Variants in CTNND2 observed in about 807,000 individuals in gnomAD.
The protein encoded by CTNND2 is catenin delta-2.
Under a neutral mutation model 144.4 loss-of-function variants are expected in CTNND2, and 22 were observed. The observed-to-expected ratio is 0.15, with a 90% CI of 0.11 to 0.22. The LOEUF is 0.22. Among genes scored for constraint, CTNND2 ranks in the 10% least tolerant of loss-of-function variants. CTNND2 has a pLI of 1.00. For synonymous variants in CTNND2, 751 were observed against 695.6 expected (o/e 1.08, Z -1.25); for missense variants, 1,353 against 1,618.8 (o/e 0.84, Z 2.82).
chr5:11,755,791 G>A (rs1019608457), intron 1 of CTNND2, among the ~76,000 whole-genome samples: 3 of 151,294 alleles, frequency 2.0e-5, no homozygotes. Flanking sequence ...AGGTCAGTTT[G>A]GTTCTTTCTT....
At chr5:11,149,751 A>G (rs1757574784) in intron 12 of CTNND2, among the ~76,000 whole-genome samples, 1 of 152,150 alleles carries the variant, frequency 6.6e-6, no homozygotes, top group South Asian at 2.1e-4. Flanking sequence ...CAGGGTCCTA[A>G]AAAGCCAGTG....
intron 16 of CTNND2, among the ~76,000 whole-genome samples, chr5:11,043,516 A>G (rs567495647): frequency 6.6e-6 from 1 of 152,322 alleles, no homozygotes; most frequent in Non-Finnish European, 1.5e-5. Flanking sequence ...TGAACTGTTC[A>G]CAAGTAGATA....
At chr5:11,154,307 G>A (rs549695926) in intron 12 of CTNND2, among the ~76,000 whole-genome samples, 1 of 152,306 alleles carries the variant, frequency 6.6e-6, no homozygotes, top group South Asian at 2.1e-4. Context: ...AATCAGATCC[G>A]TGTGTGGGGA....
chr5:11,255,407 G>A (rs998884177), intron 9 of CTNND2, among the ~76,000 whole-genome samples: 1 of 152,196 alleles, frequency 6.6e-6, no homozygotes, highest in Non-Finnish European at 1.5e-5. Context: ...ACAGGCAAGT[G>A]TGTGACACAG....
chr5:11,585,943 T>C (rs899665395), intron 2 of CTNND2, among the ~76,000 whole-genome samples: 5 of 152,034 alleles, frequency 3.3e-5, no homozygotes, highest in Admixed American at 3.3e-4. Flanking sequence ...GTGAGGAGTT[T>C]CCTCTGCAGG....
chr5:11,814,612 C>A (rs1018348540), intron 1 of CTNND2, among the ~76,000 whole-genome samples: 1 of 152,228 alleles, frequency 6.6e-6, no homozygotes, highest in Non-Finnish European at 1.5e-5. Flanking sequence ...ACGCAGAGAG[C>A]CACCGTTGGT....
intron 3 of CTNND2, among the ~76,000 whole-genome samples, chr5:11,530,975 G>T (rs1321514298): frequency 6.6e-6 from 1 of 152,124 alleles, no homozygotes; most frequent in East Asian, 1.9e-4. Context: ...CAATTGCTCT[G>T]CAGACAATAC....
intron 11 of CTNND2, among the ~76,000 whole-genome samples, chr5:11,181,653 GTA>G (rs1261658634): frequency 6.6e-6 from 1 of 151,902 alleles, no homozygotes; most frequent in African/African-American, 2.4e-5. Context: ...GGCTCCGTGT[GTA>G]TGTGTGTGTG....
chr5:11,547,792 G>A (rs932640953), intron 3 of CTNND2, among the ~76,000 whole-genome samples: 1 of 152,138 alleles, frequency 6.6e-6, no homozygotes, highest in African/African-American at 2.4e-5. Context: ...ATTGCCAGTG[G>A]GAAAGTAACT....
At chr5:11,329,096 A>G (rs187746560) in intron 9 of CTNND2, among the ~76,000 whole-genome samples, 34 of 152,160 alleles carry the variant, frequency 2.2e-4, no homozygotes, top group Admixed American at 1.7e-3. Flanking sequence ...CTCTTCTTAT[A>G]AGGACACCAG....
intron 3 of CTNND2, among the ~76,000 whole-genome samples, chr5:11,504,352 C>T (rs1309492724): frequency 6.6e-6 from 1 of 152,128 alleles, no homozygotes; most frequent in Non-Finnish European, 1.5e-5. Flanking sequence ...AAGATAATTC[C>T]AGTAACTAAA....
At chr5:11,342,451 T>C (rs1754374150) in intron 9 of CTNND2, among the ~76,000 whole-genome samples, 1 of 152,216 alleles carries the variant, frequency 6.6e-6, no homozygotes, top group African/African-American at 2.4e-5. Flanking sequence ...ATTGTATGTA[T>C]TCCTGTTATG....
chr5:11,311,863 TC>T (rs1750933248), intron 9 of CTNND2, among the ~76,000 whole-genome samples: 5 of 40,342 alleles, frequency 1.2e-4, no homozygotes, highest in Non-Finnish European at 5.0e-5. Context: ...CCCCACACAC[TC>T]CCCCTTCCCA....
chr5:11,718,740 A>G (rs1409711849), intron 2 of CTNND2, among the ~76,000 whole-genome samples: 1 of 152,170 alleles, frequency 6.6e-6, no homozygotes, highest in East Asian at 1.9e-4. Context: ...CTCTCTCTCC[A>G]GCGGATTTAT....
At chr5:11,680,260 C>A (rs1043483644) in intron 2 of CTNND2, among the ~76,000 whole-genome samples, 3 of 152,158 alleles carry the variant, frequency 2.0e-5, no homozygotes, top group African/African-American at 7.2e-5. Context: ...CACAGACTTA[C>A]AATAATGCTA....
chr5:11,742,438 C>T (rs1393549493), intron 1 of CTNND2, among the ~76,000 whole-genome samples: 1 of 152,172 alleles, frequency 6.6e-6, no homozygotes, highest in African/African-American at 2.4e-5. Context: ...AACCCTGTTA[C>T]AGCCACACTT....
intron 3 of CTNND2, among the ~76,000 whole-genome samples, chr5:11,492,629 T>C (rs1271510987): frequency 2.6e-5 from 4 of 151,924 alleles, no homozygotes; most frequent in African/African-American, 7.2e-5. Context: ...AAAATTTCTA[T>C]ACATATTAAT....
At chr5:11,385,331 C>T (rs2149800624) in intron 6 of CTNND2, 102 bp from the exon 7 acceptor site, 2 of 794,760 alleles carry the variant, frequency 2.5e-6, no homozygotes, top group Non-Finnish European at 3.1e-6. Context: ...CCGGGGATGC[C>T]GCGGGCGCCC....
At chr5:11,753,436 T>C (rs1319232894) in intron 1 of CTNND2, among the ~76,000 whole-genome samples, 1 of 151,714 alleles carries the variant, frequency 6.6e-6, no homozygotes, top group Non-Finnish European at 1.5e-5. Flanking sequence ...ATAATTAGGT[T>C]TCATGTTTTT....
Sources: gnomAD v4.1 joint callset for allele counts (sites outside exome capture counted in the v4.1 genomes callset) on GRCh38, gnomAD v4.1.1 for gene constraint, MANE v1.5 for transcripts, NCBI Gene and HGNC (gene_info 2026-07-23, HGNC 2026-07-21) for gene names.